PLA2G4A: variants seen among roughly 807,000 people sequenced by gnomAD.
The protein encoded by PLA2G4A is phospholipase A2 group IVA.
In PLA2G4A, 40 loss-of-function variants were observed where a neutral mutation model predicts 81.9. The ratio of observed to expected loss-of-function variants is 0.49; its 90% CI spans 0.38 to 0.64. PLA2G4A has a LOEUF of 0.64. Ranked by LOEUF, PLA2G4A falls within the 30% of genes least tolerant of loss-of-function variation. The pLI, the probability that PLA2G4A is intolerant of heterozygous loss-of-function variation, is 0.00. For missense variants in PLA2G4A, 715 were observed against 905.1 expected, an observed-to-expected ratio of 0.79 and a Z score of 2.69; for synonymous variants, 302 against 296.9, an observed-to-expected ratio of 1.02 and a Z score of -0.18.
chr1:186,850,577 A>G (rs568415973), intron 1 of PLA2G4A, among the ~76,000 whole-genome samples: 2 of 152,234 alleles, frequency 1.3e-5, no homozygotes, highest in African/African-American at 4.8e-5. Context: ...GATAGTAAAG[A>G]TGTATTTGTT....
intron 3 of PLA2G4A, among the ~76,000 whole-genome samples, chr1:186,877,175 G>C (rs954606660): frequency 2.6e-5 from 4 of 152,002 alleles, no homozygotes; most frequent in Admixed American, 6.6e-5. Context: ...GAAGCTCCAG[G>C]AAAGATGGAG....
At chr1:186,877,474 C>A (rs1188543415) in intron 3 of PLA2G4A, among the ~76,000 whole-genome samples, 1 of 151,914 alleles carries the variant, frequency 6.6e-6, no homozygotes, top group Non-Finnish European at 1.5e-5. Flanking sequence ...ACCTTAGAGA[C>A]AAGAAATGTC....
At chr1:186,920,699 G>C (rs1288983291) in intron 7 of PLA2G4A, among the ~76,000 whole-genome samples, 3 of 152,242 alleles carry the variant, frequency 2.0e-5, no homozygotes, top group Non-Finnish European at 4.4e-5. Context: ...TGATTAGACT[G>C]GGTATTCTTC....
intron 1 of PLA2G4A, among the ~76,000 whole-genome samples, chr1:186,831,272 T>G (rs7518131): frequency 0.97 from 146,812 of 152,080 alleles, 70,893 homozygotes; most frequent in East Asian, 1. Context: ...TGATTAATTA[T>G]AAAATCATTT....
At chr1:186,861,998 A>G (rs907217670) in intron 2 of PLA2G4A, among the ~76,000 whole-genome samples, 1 of 149,424 alleles carries the variant, frequency 6.7e-6, no homozygotes, top group Non-Finnish European at 1.5e-5. Context: ...TTATATACCA[A>G]TGTAATATAT....
At chr1:186,953,455 T>A (rs1412267465) in intron 13 of PLA2G4A, among the ~76,000 whole-genome samples, 1 of 148,942 alleles carries the variant, frequency 6.7e-6, no homozygotes, top group African/African-American at 2.5e-5. Context: ...TTGTATGTTT[T>A]ATATTACATG....
chr1:186,905,857 A>G (rs905472917), intron 5 of PLA2G4A, among the ~76,000 whole-genome samples: 2 of 152,242 alleles, frequency 1.3e-5, no homozygotes, highest in African/African-American at 4.8e-5. Context: ...GATGTTTTCA[A>G]TACCTTTTGC....
intron 8 of PLA2G4A, among the ~76,000 whole-genome samples, chr1:186,934,290 C>A (rs543516961): frequency 2.6e-5 from 4 of 151,738 alleles, no homozygotes; most frequent in African/African-American, 4.8e-5. Flanking sequence ...GACTAGACTT[C>A]GAGTGCTGAT....
chr1:186,841,162 T>G (rs1486526354), intron 1 of PLA2G4A, among the ~76,000 whole-genome samples: 1 of 152,206 alleles, frequency 6.6e-6, no homozygotes, highest in African/African-American at 2.4e-5. Flanking sequence ...GGAAGAGGAA[T>G]TTTTTAAACA....
At chr1:186,906,944 G>C (rs1452643201) in intron 5 of PLA2G4A, 21 bp from the exon 6 acceptor site, 1 of 1,358,918 alleles carries the variant, frequency 7.4e-7, no homozygotes, top group East Asian at 2.3e-5. Context: ...GACCTAATCT[G>C]ATTAACATGT....
chr1:186,864,759 A>G (rs889465966), intron 2 of PLA2G4A, among the ~76,000 whole-genome samples: 2 of 151,420 alleles, frequency 1.3e-5, no homozygotes, highest in East Asian at 1.9e-4. Context: ...TCTTACTGCA[A>G]TAAGAATGCA....
At chr1:186,976,310 C>T (rs974124121) in intron 15 of PLA2G4A, among the ~76,000 whole-genome samples, 2 of 152,166 alleles carry the variant, frequency 1.3e-5, no homozygotes, top group Admixed American at 6.5e-5. Flanking sequence ...CCCAAAACTT[C>T]CCCTTTCCAG....
rs1427813762 is a variant in PLA2G4A at position 186,873,504 on chromosome 1, A to G, written c.115+2988A>G. 3.9e-5 allele frequency among the ~76,000 whole-genome samples: 6 copies of G among 152,094 alleles called. No homozygotes were observed. In the South Asian group the frequency reaches 6.2e-4, roughly 16 times the overall value. On this transcript the variant is annotated intron_variant, in intron 3 of 17. Transcript: ENST00000367466. ...ACATCTTGGTAAAGAAGAATGATAG[A>G]TTACTATTGGAGTTTTCTGCCTTGC... is the stretch of plus-strand genomic sequence containing the variant.
chr1:186,833,715 C>T lies in PLA2G4A; in HGVS notation c.-70+4680C>T, dbSNP rs141644316. 2.5e-3 allele frequency among the ~76,000 whole-genome samples: 379 copies of T among 152,244 alleles called. 1 individual carries two copies. The highest frequency in any genetic ancestry group is 8.9e-3 in the African/African-American group (370 of 41,538). ...TTCTTAGTGCAAATCTTACAACACA[C>T]CTTGAAAATACAGTTTACCTTTCCT... On this transcript the variant is annotated intron_variant, in intron 1 of 17. Coordinates refer to ENST00000367466, the MANE Select transcript of PLA2G4A (RefSeq NM_024420.3).
At chr1:186,885,933 G>A (rs371587705) in intron 3 of PLA2G4A, among the ~76,000 whole-genome samples, 2 of 152,208 alleles carry the variant, frequency 1.3e-5, no homozygotes, top group East Asian at 3.9e-4. Context: ...AAAAAGCATT[G>A]GGAAGAGAGA....
intron 10 of PLA2G4A, among the ~76,000 whole-genome samples, chr1:186,942,331 A>G (rs1656182999): frequency 1.3e-5 from 2 of 152,190 alleles, no homozygotes; most frequent in African/African-American, 4.8e-5. Context: ...AGATTTTTGC[A>G]TGGCCAAATA....
At chr1:186,909,086 G>A (rs1160434335) in intron 6 of PLA2G4A, among the ~76,000 whole-genome samples, 2 of 142,260 alleles carry the variant, frequency 1.4e-5, no homozygotes, top group African/African-American at 5.2e-5. Flanking sequence ...CCATTCTCCT[G>A]CCTCAGCCTC....
chr1:186,934,055 T>C (rs1312185768), intron 8 of PLA2G4A, among the ~76,000 whole-genome samples: 1 of 152,138 alleles, frequency 6.6e-6, no homozygotes. Flanking sequence ...AGGAAGGGTG[T>C]AGCCCATCAT....
At chr1:186,977,036 C>T (rs1657559239) in intron 15 of PLA2G4A, among the ~76,000 whole-genome samples, 1 of 152,158 alleles carries the variant, frequency 6.6e-6, no homozygotes. Context: ...CTCTCTTGGC[C>T]GTTACATGTA....
Sources: allele counts gnomAD v4.1 joint callset (sites outside exome capture counted in the v4.1 genomes callset), GRCh38; gene constraint gnomAD v4.1.1; transcripts MANE v1.5; gene names NCBI Gene and HGNC (gene_info 2026-07-23, HGNC 2026-07-21).